PLCL1: variants seen among roughly 807,000 people sequenced by gnomAD.
PLCL1 encodes the protein phospholipase C like 1 (inactive).
Under a neutral mutation model 84.4 loss-of-function variants are expected in PLCL1, and 41 were observed. The observed-to-expected ratio is 0.49, with a 90% CI of 0.38 to 0.63. The LOEUF is 0.63. Ranked by LOEUF, PLCL1 falls within the 30% of genes least tolerant of loss-of-function variation. PLCL1 has a pLI of 0.00. For missense variants in PLCL1, 1,206 were observed against 1,367.8 expected (o/e 0.88, Z 1.87); for synonymous variants, 490 against 488.3 (o/e 1.00, Z -0.05).
At chr2:197,925,495 A>G (rs572598664) in intron 1 of PLCL1, among the ~76,000 whole-genome samples, 1 of 152,294 alleles carries the variant, frequency 6.6e-6, no homozygotes, top group East Asian at 1.9e-4. Context: ...AAGCTCTTCA[A>G]TGTGGTGATT....
In PLCL1 at chr2:198,086,070, T is replaced by C. The variant is rs755013417; in HGVS notation, c.2553T>C (p.Ser851=). 1.1e-5 allele frequency: 17 copies of C among 1,613,928 alleles called. No individual in the cohort carries two copies. The South Asian group carries it at 1.6e-4, about 16-fold the overall frequency. The change falls in exon 2 of 6, where the codon AGT becomes AGC. Residue 851 remains serine, a synonymous_variant. Transcript: ENST00000428675. ...LFVHIAITNR[S]GGGKAQKRSL... ...TCCACATAGCAATAACTAATCGAAG[T>C]GGAGGAGGAAAGGCACAGAAGCGCA...
At chr2:198,029,700 CCTCTT>C (rs1290374340) in intron 1 of PLCL1, among the ~76,000 whole-genome samples, 2 of 97,650 alleles carry the variant, frequency 2.0e-5, no homozygotes, top group African/African-American at 8.0e-5. Context: ...CCTCTTCTCT[CCTCTT>C]CTCTCTTCTC....
chr2:197,886,336 C>G (rs1479001205), intron 1 of PLCL1, among the ~76,000 whole-genome samples: 2 of 134,608 alleles, frequency 1.5e-5, no homozygotes, highest in Admixed American at 8.6e-5. Flanking sequence ...TGCTTGAACC[C>G]GGGAGGTGGA....
At chr2:197,932,276 C>G (rs1159309289) in intron 1 of PLCL1, among the ~76,000 whole-genome samples, 1 of 152,210 alleles carries the variant, frequency 6.6e-6, no homozygotes, top group Non-Finnish European at 1.5e-5. Flanking sequence ...TTAGGAATTG[C>G]TGTCTAGGAC....
At chr2:197,947,381 T>A (rs1689300932) in intron 1 of PLCL1, among the ~76,000 whole-genome samples, 1 of 151,878 alleles carries the variant, frequency 6.6e-6, no homozygotes, top group Non-Finnish European at 1.5e-5. Flanking sequence ...TCTAATTCAG[T>A]AGGGGCCTGG....
intron 1 of PLCL1, among the ~76,000 whole-genome samples, chr2:198,075,663 T>C (rs928632202): frequency 1.3e-5 from 2 of 152,232 alleles, no homozygotes; most frequent in African/African-American, 4.8e-5. Flanking sequence ...CAGCCTTTTA[T>C]GCTCCCTTGT....
intron 5 of PLCL1, among the ~76,000 whole-genome samples, chr2:198,141,878 G>T (rs1254927383): frequency 1.3e-5 from 2 of 152,180 alleles, no homozygotes; most frequent in African/African-American, 4.8e-5. Context: ...ATTTGTTTAT[G>T]TGTGTAGTTT....
At chr2:197,861,401 C>A (rs1574917500) in intron 1 of PLCL1, among the ~76,000 whole-genome samples, 1 of 152,152 alleles carries the variant, frequency 6.6e-6, no homozygotes, top group Admixed American at 6.6e-5. Context: ...ATTGCCCTAT[C>A]CATCTCTTAT....
At chr2:197,886,844 G>A (rs1284838834) in intron 1 of PLCL1, among the ~76,000 whole-genome samples, 1 of 152,168 alleles carries the variant, frequency 6.6e-6, no homozygotes, top group African/African-American at 2.4e-5. Flanking sequence ...CGGGGCAGTA[G>A]GTGCTGGATC....
intron 1 of PLCL1, among the ~76,000 whole-genome samples, chr2:197,948,280 A>G (rs1190529705): frequency 2.0e-5 from 3 of 152,176 alleles, no homozygotes; most frequent in Non-Finnish European, 2.9e-5. Context: ...GAGTAGAAAC[A>G]GGTTTATGGA....
intron 1 of PLCL1, among the ~76,000 whole-genome samples, chr2:197,821,181 G>A (rs1052152976): frequency 6.6e-6 from 1 of 152,060 alleles, no homozygotes; most frequent in Admixed American, 6.6e-5. Context: ...GTATATCACT[G>A]GTGGTGGTAC....
In PLCL1 at chr2:197,877,543, C is replaced by A. The variant is rs76107696; in HGVS notation, c.240+72204C>A. 7.0e-3 allele frequency among the ~76,000 whole-genome samples: 1,060 copies of A among 152,128 alleles called. 18 individuals are homozygous for A. Among genetic ancestry groups the A allele is most frequent in the African/African-American group, 0.024 (996 of 41,516 alleles). ...TAACCTAATGATGGAAAGGAAAAAGCACTTATGGTCCAGAAATAAAAAGAA... is the reference window on the plus strand; with the variant it reads ...TAACCTAATGATGGAAAGGAAAAAGAACTTATGGTCCAGAAATAAAAAGAA... On this transcript the variant is annotated intron_variant, in intron 1 of 5. Transcript: ENST00000428675.
chr2:197,930,373 C>T (rs754891387), intron 1 of PLCL1, among the ~76,000 whole-genome samples: 6 of 152,140 alleles, frequency 3.9e-5, no homozygotes, highest in Admixed American at 6.5e-5. Context: ...AATGATATGA[C>T]TGAACTCAAA....
At chr2:198,005,690 A>G (rs1690712331) in intron 1 of PLCL1, among the ~76,000 whole-genome samples, 1 of 152,174 alleles carries the variant, frequency 6.6e-6, no homozygotes, top group South Asian at 2.1e-4. Context: ...GGCGGTGGTC[A>G]GGGAAGGCTG....
At chr2:198,107,091 G>T (rs778467228) in intron 5 of PLCL1, among the ~76,000 whole-genome samples, 6 of 151,890 alleles carry the variant, frequency 4.0e-5, no homozygotes, top group Admixed American at 1.3e-4. Context: ...CAGCATGGCT[G>T]GGAGGGCCAC....
intron 1 of PLCL1, among the ~76,000 whole-genome samples, chr2:197,820,471 G>A (rs1449446073): frequency 6.6e-6 from 1 of 152,082 alleles, no homozygotes; most frequent in Non-Finnish European, 1.5e-5. Context: ...GTATCAAAGT[G>A]TGATTTCCAT....
intron 5 of PLCL1, among the ~76,000 whole-genome samples, chr2:198,117,292 G>A (rs1361284371): frequency 6.6e-6 from 1 of 150,946 alleles, no homozygotes; most frequent in Non-Finnish European, 1.5e-5. Flanking sequence ...TGATTTCCTT[G>A]GGTCAGAAAT....
At chr2:197,951,719 G>A (rs187926643) in intron 1 of PLCL1, among the ~76,000 whole-genome samples, 5 of 152,170 alleles carry the variant, frequency 3.3e-5, no homozygotes, top group African/African-American at 4.8e-5. Context: ...AAATTCCAGC[G>A]AACACATAGG....
intron 1 of PLCL1, among the ~76,000 whole-genome samples, chr2:197,915,326 A>C (rs1353771099): frequency 2.0e-5 from 3 of 152,224 alleles, no homozygotes; most frequent in African/African-American, 4.8e-5. Flanking sequence ...GTATGTCAGC[A>C]GTCCCATTTT....
Sources: allele counts gnomAD v4.1 joint callset (sites outside exome capture counted in the v4.1 genomes callset), GRCh38; gene constraint gnomAD v4.1.1; transcripts MANE v1.5; gene names NCBI Gene and HGNC (gene_info 2026-07-23, HGNC 2026-07-21).